The following POTEM variants were observed in gnomAD, a reference collection of about 807,000 sequenced individuals.
The protein encoded by POTEM is putative POTE ankyrin domain family member M.
For synonymous variants in POTEM, 8 were observed against 113.2 expected (o/e 0.07, Z 5.90); for missense variants, 24 against 343.0 (o/e 0.07, Z 7.35).
chr14:18,973,795 G>A, intron 3 of POTEM, among the ~76,000 whole-genome samples: 1 of 3,696 alleles, frequency 2.7e-4, no homozygotes, highest in South Asian at 5.4e-3. Flanking sequence ...GTGTGGTGTT[G>A]TTGTTGTTGT....
intron 9 of POTEM, among the ~76,000 whole-genome samples, chr14:18,995,973 A>G (rs1891290153): frequency 6.9e-6 from 1 of 143,996 alleles, no homozygotes; most frequent in South Asian, 2.2e-4. Context: ...GTATTCATTC[A>G]TTTTGTAACC....
intron 9 of POTEM, among the ~76,000 whole-genome samples, chr14:18,996,145 G>A (rs1167930462): frequency 6.6e-6 from 1 of 152,168 alleles, no homozygotes; most frequent in African/African-American, 2.4e-5. Context: ...CTTTGCCTAG[G>A]ACTTCCCAGT....
At chr14:18,985,903 CA>C (rs1162516671) in intron 7 of POTEM, among the ~76,000 whole-genome samples, 3,531 of 68,372 alleles carry the variant, frequency 0.052, 35 homozygotes, top group Middle Eastern at 0.13. Context: ...GACTCTGTGT[CA>C]AAAAAAAAAA....
In POTEM at chr14:18,968,686, G is replaced by C. The variant is rs1211987410; in HGVS notation, c.521+680G>C. ...AATATAAAAAAAATTAGCTGGACGC[G>C]GTGGCAGGCACCTGTAGTCCCAGCT... On this transcript the variant is annotated intron_variant, in intron 1 of 10. Transcript: ENST00000547889. Among the ~76,000 whole-genome samples, 4 of 152,016 alleles carry C rather than the reference G, an allele frequency of 2.6e-5. No homozygotes were observed. The East Asian group carries it at 5.8e-4, about 22-fold the overall frequency.
intron 8 of POTEM, 29 bp from the exon 9 acceptor site, chr14:18,988,226 C>CT: frequency 1.6e-6 from 1 of 625,664 alleles, no homozygotes; most frequent in African/African-American, 2.1e-5. Flanking sequence ...AAAGGGATAA[C>CT]TATCCTTAAT....
At chr14:18,969,357 G>GTGTA (rs1284654181) in intron 1 of POTEM, among the ~76,000 whole-genome samples, 45 of 105,368 alleles carry the variant, frequency 4.3e-4, no homozygotes, top group African/African-American at 1.2e-3. Context: ...ATATACATGT[G>GTGTA]TATATATATA....
At chr14:18,969,452 G>T (rs1221569275) in intron 1 of POTEM, among the ~76,000 whole-genome samples, 1 of 103,828 alleles carries the variant, frequency 9.6e-6, no homozygotes, top group African/African-American at 4.5e-5. Context: ...GTGCGATCTC[G>T]GCTCACTGCA....
intron 7 of POTEM, among the ~76,000 whole-genome samples, chr14:18,986,061 T>A (rs867258229): frequency 0.017 from 1,858 of 107,296 alleles, no homozygotes; most frequent in South Asian, 0.04. Context: ...ACTCTTATTT[T>A]AAAATATTCT....
Position 18,992,966 on chromosome 14 carries a change from G to A in POTEM, c.1410-4075G>A, listed in dbSNP as rs1265241638. On this transcript the variant is annotated intron_variant, in intron 9 of 10. Coordinates refer to ENST00000547889, the MANE Select transcript of POTEM (RefSeq NM_001145442.1). ...GGCTGCAGTGCAGTGGCGTGACCTC[G>A]GCTCACTGCAACCTCCGCCTCCTGG... is the stretch of plus-strand genomic sequence containing the variant. Among the ~76,000 whole-genome samples, 12 of 66,494 alleles carry A rather than the reference G, an allele frequency of 1.8e-4. 4 individuals are homozygous for A. In the South Asian group the frequency reaches 2.3e-3, roughly 13 times the overall value. 43.6% of individuals were successfully genotyped at this position (66,494 alleles called of 152,430 possible).
In POTEM at chr14:19,003,249, C is replaced by G. The variant is rs1270888294; in HGVS notation, c.*4584C>G. Among the ~76,000 whole-genome samples the G allele has an allele frequency of 9.6e-5, 13 of 135,428 alleles. No homozygotes were observed. The highest frequency in any genetic ancestry group is 2.8e-4 in the African/African-American group (10 of 36,152). The allele number at this position is 135,428 out of a possible 152,430, so 88.8% of individuals were successfully genotyped here. A position where few individuals can be genotyped will look rare whatever the true frequency, so the allele number is the denominator to read the frequency against. On this transcript the variant is annotated 3_prime_UTR_variant, in exon 11 of 11. Transcript: ENST00000547889. ...ACCTTAAATGAAAATGGGCTAAATGCTCCCATTGAAAGACACGGGGCAAGC... is the reference window on the plus strand; with the variant it reads ...ACCTTAAATGAAAATGGGCTAAATGGTCCCATTGAAAGACACGGGGCAAGC...
At position 18,997,084 on chromosome 14, in the gene POTEM, AAC is replaced by A; in HGVS notation, c.1456_1457del (p.Thr486TrpfsTer6). On this transcript the variant is annotated frameshift_variant, in exon 10 of 11. Transcript: ENST00000547889. LOFTEE classifies it high-confidence loss of function. ...DTQKQLSEEQ[N>X]TGILQDEILI... ...TCAGAAGCAACTTTCTGAAGAACAG[AAC>A]ACTGGAATATTACAAGATGAGATTC... 1 of 696,576 alleles carries A rather than the reference AAC, an allele frequency of 1.4e-6. No individual in the cohort carries two copies. The highest frequency in any genetic ancestry group is 2.5e-5 in the Admixed American group (1 of 40,308). The allele number at this position is 696,576 out of a possible 1,614,324, so 43.1% of individuals were successfully genotyped here.
Position 19,002,939 on chromosome 14 carries a change from C to G in POTEM, c.*4274C>G, listed in dbSNP as rs1236041658. Among the ~76,000 whole-genome samples the G allele has an allele frequency of 3.3e-5, 5 of 152,266 alleles. No individual in the cohort carries two copies. Among genetic ancestry groups the G allele is most frequent in the Admixed American group, 1.3e-4 (2 of 15,288 alleles). ...GAAAAGAAATTTCAGCCCATAATTT[C>G]ATGTCCAGCAAAATTAGGCATCATA... On this transcript the variant is annotated 3_prime_UTR_variant, in exon 11 of 11. Transcript: ENST00000547889.
chr14:18,969,306 C>CGT (rs1491448336), intron 1 of POTEM, among the ~76,000 whole-genome samples: 1 of 45,604 alleles, frequency 2.2e-5, no homozygotes, highest in Admixed American at 1.8e-4. Flanking sequence ...TATGTATATA[C>CGT]GTATATATAT....
chr14:18,996,050 A>G (rs1184937491), intron 9 of POTEM, among the ~76,000 whole-genome samples: 3 of 150,862 alleles, frequency 2.0e-5, no homozygotes, highest in Admixed American at 6.6e-5. Flanking sequence ...AGGGTTTTCT[A>G]GGTATAAGGT....
intron 6 of POTEM, chr14:18,980,732 CTAAAAG>C (rs1353296820): frequency 2.3e-5 from 3 of 131,784 alleles, no homozygotes; most frequent in Non-Finnish European, 4.8e-5. Flanking sequence ...AGATAAAAAA[CTAAAAG>C]TAAGGAATTT....
chr14:18,969,351 A>G (rs1890851871), intron 1 of POTEM, among the ~76,000 whole-genome samples: 1 of 98,506 alleles, frequency 1.0e-5, no homozygotes, highest in African/African-American at 5.9e-5. Context: ...ACATATATAT[A>G]CATGTGTATA....
chr14:18,969,337 A>T (rs1890850430), intron 1 of POTEM, among the ~76,000 whole-genome samples: 1 of 113,388 alleles, frequency 8.8e-6, no homozygotes. Flanking sequence ...ATATATACGT[A>T]TATACATATA....
intron 7 of POTEM, among the ~76,000 whole-genome samples, chr14:18,986,180 G>T (rs1428864060): frequency 1.4e-5 from 2 of 143,756 alleles, no homozygotes; most frequent in African/African-American, 2.7e-5. Context: ...ACATGATGAA[G>T]AATGTAACAT....
chr14:18,969,382 CAAA>C (rs1890858119), intron 1 of POTEM, among the ~76,000 whole-genome samples: 7 of 64,666 alleles, frequency 1.1e-4, no homozygotes, highest in South Asian at 8.8e-4. Flanking sequence ...TATATATACA[CAAA>C]ATTTCTTTTT....
Sources: gnomAD v4.1 joint callset for allele counts (sites outside exome capture counted in the v4.1 genomes callset) on GRCh38, gnomAD v4.1.1 for gene constraint, MANE v1.5 for transcripts, NCBI Gene and HGNC (gene_info 2026-07-23, HGNC 2026-07-21) for gene names.